HTT: variants seen among roughly 807,000 people sequenced by gnomAD.
HTT encodes huntington disease protein.
Under a neutral mutation model 362.3 loss-of-function variants are expected in HTT, and 104 were observed. That is an observed-to-expected ratio of 0.29 (90% CI 0.24 to 0.34). HTT has a LOEUF of 0.34. Ranked by LOEUF, HTT falls within the 10% of genes least tolerant of loss-of-function variation. The probability of loss-of-function intolerance (pLI) is 1.00; values close to 1 mark genes in which losing one functional copy is unlikely to be tolerated. For synonymous variants in HTT, 1,577 were observed against 1,548.7 expected (o/e 1.02, Z -0.43); for missense variants, 3,301 against 3,928.6 (o/e 0.84, Z 4.27).
intron 2 of HTT, among the ~76,000 whole-genome samples, chr4:3,094,208 A>G (rs1240489227): frequency 6.6e-6 from 1 of 152,008 alleles, no homozygotes; most frequent in African/African-American, 2.4e-5. Context: ...GACACAGCAC[A>G]TGTTTCAGAG....
At position 3,107,364 on chromosome 4, in the gene HTT, G is replaced by C; in HGVS notation, c.688G>C (p.Ala230Pro). 1 of 1,614,218 alleles carries C rather than the reference G, an allele frequency of 6.2e-7. No homozygotes were observed. Among genetic ancestry groups the C allele is most frequent in the Non-Finnish European group, 8.5e-7 (1 of 1,180,028 alleles). ...PEESVQETLAAAVPKIMASFG... is the reference protein window; with the variant it reads ...PEESVQETLAPAVPKIMASFG... The stretch of plus-strand genomic sequence containing the variant: ...AGAATCAGTCCAGGAGACCTTGGCT[G>C]CAGCTGTTCCCAAAATTATGGCTTC... Residue 230 changes from alanine (A) to proline (P), a missense_variant, in exon 6 of 67, where the codon GCA becomes CCA. This residue lies in a region of HTT where 2,316 missense variants were observed against 2,658.5 expected (regional missense o/e 0.87). Transcript: ENST00000355072.
intron 29 of HTT, among the ~76,000 whole-genome samples, chr4:3,168,158 A>G (rs550594843): frequency 2.2e-4 from 33 of 152,206 alleles, no homozygotes; most frequent in Non-Finnish European, 3.7e-4. Flanking sequence ...TTTCTGCCAC[A>G]CAGCAGTTCT....
chr4:3,220,407 A>G (rs1720618521), intron 53 of HTT, 99 bp downstream of exon 53: 10 of 1,263,528 alleles, frequency 7.9e-6, no homozygotes, highest in Non-Finnish European at 1.1e-5. Context: ...TGACTCCAGA[A>G]AAGATTTAAG....
chr4:3,216,125 T>A (rs1720386274), intron 51 of HTT, among the ~76,000 whole-genome samples: 2 of 152,232 alleles, frequency 1.3e-5, no homozygotes, highest in South Asian at 4.1e-4. Flanking sequence ...TTTTGTGCAA[T>A]CCTGGTTGTG....
chr4:3,109,389 C>G (rs982275844), intron 6 of HTT, among the ~76,000 whole-genome samples: 4 of 151,996 alleles, frequency 2.6e-5, no homozygotes, highest in African/African-American at 9.7e-5. Context: ...CCACGCTCGG[C>G]TAATTTTGTA....
intron 6 of HTT, among the ~76,000 whole-genome samples, chr4:3,112,576 A>G (rs1714810634): frequency 6.6e-6 from 1 of 152,238 alleles, no homozygotes; most frequent in Non-Finnish European, 1.5e-5. Flanking sequence ...CTTCTATATT[A>G]TCGTGTGTAT....
At chr4:3,150,357 T>C (rs549962090) in intron 26 of HTT, among the ~76,000 whole-genome samples, 29 of 152,222 alleles carry the variant, frequency 1.9e-4, no homozygotes, top group Non-Finnish European at 2.9e-4. Context: ...GGCTCCAGTA[T>C]TGGGCAGGGC....
Position 3,097,526 on chromosome 4 carries a change from G to A in HTT, c.348-1748G>A, listed in dbSNP as rs143045482. Among the ~76,000 whole-genome samples, 283 of 152,334 alleles carry A rather than the reference G, an allele frequency of 1.9e-3. 1 individual carries two copies. Among genetic ancestry groups the A allele is most frequent in the Middle Eastern group, 6.8e-3 (2 of 294 alleles). The stretch of plus-strand genomic sequence containing the variant: ...GTGTGCCTGTAATCCCAGCTACTTG[G>A]GAGGCTGAGGCAGGAGAATTGCTTG... On this transcript the variant is annotated intron_variant, in intron 2 of 66. Coordinates refer to ENST00000355072, the MANE Select transcript of HTT (RefSeq NM_001388492.1).
intron 39 of HTT, chr4:3,188,100 C>A: frequency 2.0e-6 from 1 of 496,110 alleles, no homozygotes. Flanking sequence ...TGTCTCTTGT[C>A]CTCAGTAGAG....
At chr4:3,098,804 A>G (rs1222650410) in intron 2 of HTT, among the ~76,000 whole-genome samples, 1 of 152,188 alleles carries the variant, frequency 6.6e-6, no homozygotes, top group African/African-American at 2.4e-5. Flanking sequence ...TGCTGAACTG[A>G]TTTTCAAGGT....
Position 3,129,917 on chromosome 4 carries a change from C to T in HTT, c.1744-7C>T, listed in dbSNP as rs1715720950. On this transcript the variant is annotated splice_region_variant and splice_polypyrimidine_tract_variant and intron_variant, in intron 12 of 66. Coordinates refer to ENST00000355072, the MANE Select transcript of HTT (RefSeq NM_001388492.1). ...AAAATTCTCACAGCCCCCCTTGAAC[C>T]GTTTAGGTGTTAGACGGTACCGACA... 5 of 1,613,934 alleles carry T rather than the reference C, an allele frequency of 3.1e-6. No individual in the cohort carries two copies. Among genetic ancestry groups the T allele is most frequent in the East Asian group, 2.2e-5 (1 of 44,876 alleles).
intron 18 of HTT, among the ~76,000 whole-genome samples, chr4:3,133,706 A>C (rs949602402): frequency 6.6e-6 from 1 of 152,190 alleles, no homozygotes; most frequent in Non-Finnish European, 1.5e-5. Flanking sequence ...TGGCCAGTCA[A>C]CAAGAGTAAA....
intron 6 of HTT, among the ~76,000 whole-genome samples, chr4:3,109,638 A>G (rs1031191459): frequency 1.3e-5 from 2 of 152,116 alleles, no homozygotes; most frequent in African/African-American, 4.8e-5. Context: ...TATTATGCCT[A>G]AGTAAATAGT....
At chr4:3,223,677 A>G in intron 55 of HTT, 117 bp downstream of exon 55, 1 of 967,126 alleles carries the variant, frequency 1.0e-6, no homozygotes, top group Non-Finnish European at 1.5e-6. Flanking sequence ...TAGAATTGAA[A>G]ACACCGTCCG....
At chr4:3,235,527 A>G (rs368506522) in intron 62 of HTT, 38 bp from the exon 63 acceptor site, 28 of 1,591,896 alleles carry the variant, frequency 1.8e-5, no homozygotes, top group Non-Finnish European at 2.2e-5. Flanking sequence ...GAGACTGTGC[A>G]GCGATTCTTT....
chr4:3,123,538 A>C (rs1046518792), intron 10 of HTT: 4 of 152,244 alleles, frequency 2.6e-5, no homozygotes, highest in Admixed American at 2.6e-4. Flanking sequence ...AAAACAAAAA[A>C]ACAGCCACGC....
At chr4:3,087,180 A>G (rs894406459) in intron 2 of HTT, among the ~76,000 whole-genome samples, 158 bp downstream of exon 2, 1 of 152,238 alleles carries the variant, frequency 6.6e-6, no homozygotes. Context: ...GCTATATACA[A>G]GGATATCCAG....
intron 6 of HTT, chr4:3,113,074 A>C (rs1714843874): frequency 1.1e-6 from 1 of 929,834 alleles, no homozygotes; most frequent in African/African-American, 1.8e-5. Context: ...ATGTGTTGAA[A>C]AGTGGCACTA....
chr4:3,092,803 C>T (rs953892675), intron 2 of HTT, among the ~76,000 whole-genome samples: 9 of 152,216 alleles, frequency 5.9e-5, no homozygotes, highest in African/African-American at 1.9e-4. Flanking sequence ...CATTTATCTT[C>T]TTGCCTTGAA....
Sources: allele counts gnomAD v4.1 joint callset (sites outside exome capture counted in the v4.1 genomes callset), GRCh38; gene constraint gnomAD v4.1.1; regional missense constraint gnomAD v4.1.1; transcripts MANE v1.5; gene names NCBI Gene and HGNC (gene_info 2026-07-23, HGNC 2026-07-21).